Variants in MYOM2 observed in about 807,000 individuals in gnomAD.
MYOM2 encodes myomesin 2, also known as myomesin-2.
MYOM2 carries 254 observed loss-of-function variants against 187.6 expected under a neutral mutation model. The observed-to-expected ratio is 1.35, with a 90% CI of 1.22 to 1.50. The LOEUF (loss-of-function observed/expected upper bound fraction) is 1.50, where lower values mean the gene tolerates loss of function less well. Among genes scored for constraint, MYOM2 ranks in the 40% most tolerant of loss-of-function variants. The probability of loss-of-function intolerance (pLI) is 0.00; values close to 1 mark genes in which losing one functional copy is unlikely to be tolerated. For synonymous variants in MYOM2, 981 were observed against 753.8 expected, an observed-to-expected ratio of 1.30 and a Z score of -4.94; for missense variants, 2,796 against 1,924.0, an observed-to-expected ratio of 1.45 and a Z score of -8.48.
chr8:2,059,137 T>C lies in MYOM2; in HGVS notation c.561-16T>C. 4 of 1,611,694 alleles carry C rather than the reference T, an allele frequency of 2.5e-6. No homozygotes were observed. The highest frequency in any genetic ancestry group is 1.3e-5 in the African/African-American group (1 of 75,014). On this transcript the variant is annotated splice_polypyrimidine_tract_variant and intron_variant, in intron 5 of 36. Coordinates refer to ENST00000262113, the MANE Select transcript of MYOM2 (RefSeq NM_003970.4). ...CAACTCTGCCTTTAAACTAAAAACATGCCTCCCTCATTTAGGTACAAAGAT... is the reference window on the plus strand; with the variant it reads ...CAACTCTGCCTTTAAACTAAAAACACGCCTCCCTCATTTAGGTACAAAGAT...
intron 13 of MYOM2, among the ~76,000 whole-genome samples, chr8:2,081,030 A>C (rs1819606398): frequency 7.2e-6 from 1 of 138,034 alleles, no homozygotes; most frequent in Non-Finnish European, 1.5e-5. Flanking sequence ...GGCCTGCGGG[A>C]GGAACAGGCA....
chr8:2,092,386 C>T lies in MYOM2; in HGVS notation c.1869C>T (p.Asn623=), dbSNP rs747391775. The change falls in exon 16 of 37, where the codon AAC becomes AAT. Residue 623 remains asparagine, a synonymous_variant. Transcript: ENST00000262113. ...CGGGTCGGGTTCTTGCTTCCCGAAA[C>T]ACCAAGACGTCGGTGGTGGTGCAGT... ...SAPGRVLASR[N]TKTSVVVQWD... 5 of 1,614,072 alleles carry T rather than the reference C, an allele frequency of 3.1e-6. No individual in the cohort carries two copies. The Admixed American group carries it at 6.7e-5, about 22-fold the overall frequency.
intron 13 of MYOM2, among the ~76,000 whole-genome samples, chr8:2,084,043 C>A (rs189605225): frequency 6.6e-6 from 1 of 152,266 alleles, no homozygotes; most frequent in Non-Finnish European, 1.5e-5. Flanking sequence ...TTGCTTCCCT[C>A]ATCAGCACCT....
rs985983732 is a variant in MYOM2, at chr8:2,057,295, A to G, written c.264-53A>G. ...ATGCCCTTTCCGGCCTTCGGGGGCC[A>G]CGTGGTTTTCTTCGTGACTCCTGCA... On this transcript the variant is annotated intron_variant, in intron 3 of 36. Coordinates refer to ENST00000262113, the MANE Select transcript of MYOM2 (RefSeq NM_003970.4). The G allele has an allele frequency of 2.1e-5, 32 of 1,560,786 alleles. No homozygotes were observed. The Admixed American group carries it at 4.8e-4, about 23-fold the overall frequency.
chr8:2,063,961 C>T (rs1468370504), intron 6 of MYOM2, among the ~76,000 whole-genome samples: 4 of 152,228 alleles, frequency 2.6e-5, no homozygotes, highest in Admixed American at 2.0e-4. Context: ...GTTCTCACAG[C>T]ATGAAGCAAA....
intron 32 of MYOM2, among the ~76,000 whole-genome samples, chr8:2,134,444 C>A (rs1003029376): frequency 6.6e-6 from 1 of 152,166 alleles, no homozygotes. Context: ...TTCCTGGGAA[C>A]GTTATTATTT....
intron 35 of MYOM2, among the ~76,000 whole-genome samples, chr8:2,142,881 G>A (rs981068076): frequency 6.6e-6 from 1 of 151,134 alleles, no homozygotes. Context: ...TCAACTTCCC[G>A]AGTAGCTGGG....
rs147335228 is a variant in MYOM2 at position 2,085,369 on chromosome 8, G to A, written c.1623G>A (p.Pro541=). 483 of 1,612,696 alleles carry A rather than the reference G, an allele frequency of 3.0e-4. No individual in the cohort carries two copies. The highest frequency in any genetic ancestry group is 3.8e-4 in the Non-Finnish European group (446 of 1,179,666). The part of the protein sequence containing the change: ...WEPPTPRGKD[P]LMYFIEKSVV... ...CACCCACTCCCCGTGGCAAGGACCC[G>A]CTCATGTACTTCATTGAGAAGGTAA... The change falls in exon 14 of 37, where the codon CCG becomes CCA. Residue 541 remains proline (P), a synonymous_variant. Transcript: ENST00000262113.
rs560633072 is a variant in MYOM2, at chr8:2,076,013, GAACATGAGAATTA to G, written c.1121-123_1121-111del. 2,222 of 822,674 alleles carry G rather than the reference GAACATGAGAATTA, an allele frequency of 2.7e-3. 7 individuals carry two copies. Among genetic ancestry groups the G allele is most frequent in the South Asian group, 0.011 (472 of 41,432 alleles). 51.0% of individuals were successfully genotyped at this position (822,674 alleles called of 1,614,324 possible). A position where few individuals can be genotyped will look rare whatever the true frequency, so the allele number is the denominator to read the frequency against. ...AGAGTAAGAAATATTCTAGTACTTT[GAACATGAGAATTA>G]AACAGTGGTCAAATCAAGGGGATAG... On this transcript the variant is annotated intron_variant, in intron 10 of 36. Coordinates refer to ENST00000262113, the MANE Select transcript of MYOM2 (RefSeq NM_003970.4).
chr8:2,083,800 A>G (rs1034792345), intron 13 of MYOM2, among the ~76,000 whole-genome samples: 2 of 152,242 alleles, frequency 1.3e-5, no homozygotes, highest in South Asian at 2.1e-4. Context: ...GATGTGAAGA[A>G]TAAGTCAGAT....
intron 25 of MYOM2, among the ~76,000 whole-genome samples, chr8:2,113,012 A>T (rs1055906481): frequency 1.3e-5 from 2 of 152,310 alleles, no homozygotes; most frequent in East Asian, 1.9e-4. Context: ...TAAGATCATT[A>T]TTCAGGCTGG....
chr8:2,085,455 TGC>T lies in MYOM2; in HGVS notation c.1644+67_1644+68del, dbSNP rs1336869280. The stretch of plus-strand genomic sequence containing the variant: ...CATGGCCCCCCACTGTCATGATCTC[TGC>T]GTGGCCCACCGCTGTCGTGATCTCC... On this transcript the variant is annotated intron_variant, in intron 14 of 36. Transcript: ENST00000262113. 225 of 1,561,834 alleles carry T rather than the reference TGC, an allele frequency of 1.4e-4. 13 individuals are homozygous for T. Among genetic ancestry groups the T allele is most frequent in the African/African-American group, 7.8e-4 (56 of 71,800 alleles).
At chr8:2,080,215 G>A (rs144683106) in intron 13 of MYOM2, among the ~76,000 whole-genome samples, 197 of 152,288 alleles carry the variant, frequency 1.3e-3, no homozygotes, top group African/African-American at 4.5e-3. Flanking sequence ...AGTGCCATGG[G>A]TGAAAACATA....
intron 10 of MYOM2, among the ~76,000 whole-genome samples, chr8:2,074,390 C>A (rs1819342348): frequency 6.6e-6 from 1 of 152,060 alleles, no homozygotes; most frequent in African/African-American, 2.4e-5. Flanking sequence ...CCTGTTATAA[C>A]TTTGTAGTGT....
intron 32 of MYOM2, among the ~76,000 whole-genome samples, chr8:2,131,648 T>C (rs531989546): frequency 2.0e-3 from 301 of 149,794 alleles, no homozygotes; most frequent in Admixed American, 5.3e-3. Flanking sequence ...TCTTTCTTTT[T>C]TTTTTTTTTT....
intron 6 of MYOM2, among the ~76,000 whole-genome samples, chr8:2,066,928 G>A (rs1021325988): frequency 3.4e-4 from 52 of 152,284 alleles, no homozygotes; most frequent in African/African-American, 1.1e-3. Context: ...TTTGTAGTTC[G>A]GCTTGTATTC....
chr8:2,144,814 G>A lies in MYOM2; in HGVS notation c.4231G>A (p.Glu1411Lys), dbSNP rs140112046. 6.1e-5 allele frequency: 99 copies of A among 1,614,070 alleles called. No individual in the cohort carries two copies. The highest frequency in any genetic ancestry group is 8.1e-5 in the Non-Finnish European group (96 of 1,180,050). ...VSMTIKGVTS[E>K]DSGKYSINIK... ...CATGACCATCAAAGGCGTGACCTCC[G>A]AGGACTCGGGCAAGTACAGCATCAA... is the stretch of plus-strand genomic sequence containing the variant. Residue 1411 changes from glutamate to lysine, a missense_variant, in exon 37 of 37, where the codon GAG (glutamate) becomes AAG (lysine). Glu to Lys is a moderately conservative substitution (Grantham distance 56, BLOSUM62 1). Coordinates refer to ENST00000262113, the MANE Select transcript of MYOM2 (RefSeq NM_003970.4).
At chr8:2,130,641 TA>T (rs1303334565) in intron 32 of MYOM2, among the ~76,000 whole-genome samples, 1 of 152,254 alleles carries the variant, frequency 6.6e-6, no homozygotes, top group African/African-American at 2.4e-5. Context: ...ATGGAGTCAG[TA>T]CATCTGTGCT....
intron 32 of MYOM2, among the ~76,000 whole-genome samples, chr8:2,135,218 A>T (rs940326457): frequency 4.6e-5 from 7 of 152,220 alleles, no homozygotes; most frequent in Non-Finnish European, 8.8e-5. Flanking sequence ...TGAGAAACAA[A>T]TGTGCATACT....
Sources: allele counts gnomAD v4.1 joint callset (sites outside exome capture counted in the v4.1 genomes callset), GRCh38; gene constraint gnomAD v4.1.1; transcripts MANE v1.5; gene names NCBI Gene and HGNC (gene_info 2026-07-23, HGNC 2026-07-21).